NAA16: variants seen among roughly 807,000 people sequenced by gnomAD.
NAA16 encodes N-alpha-acetyltransferase 16, NatA auxiliary subunit, also known as NARG1-like protein.
In NAA16, 97 loss-of-function variants were observed where a neutral mutation model predicts 110.3. The ratio of observed to expected loss-of-function variants is 0.88; its 90% CI spans 0.75 to 1.04. The LOEUF (loss-of-function observed/expected upper bound fraction) is 1.04, where lower values mean the gene tolerates loss of function less well. Ranked by LOEUF, NAA16 falls within the 50% of genes least tolerant of loss-of-function variation. The pLI is 0.00. For missense variants in NAA16, 1,017 were observed against 1,005.1 expected (o/e 1.01, Z -0.16); for synonymous variants, 372 against 330.6 (o/e 1.13, Z -1.36).
chr13:41,356,988 T>A (rs1432215610), intron 10 of NAA16, among the ~76,000 whole-genome samples: 1 of 152,156 alleles, frequency 6.6e-6, no homozygotes, highest in Non-Finnish European at 1.5e-5. Context: ...TTGATAAAGA[T>A]TCAGATGTTG....
Position 41,358,375 on chromosome 13 carries a change from C to T in NAA16, c.1159C>T (p.Leu387Phe), listed in dbSNP as rs1216890364. The T allele has an allele frequency of 6.2e-7, 1 of 1,613,902 alleles. No individual in the cohort carries two copies. The highest frequency in any genetic ancestry group is 1.7e-5 in the Admixed American group (1 of 60,016). The part of the protein sequence containing the change: ...QYFLAQHFDK[L>F]GQYSLALDYI... ...TTTCCTGGCACAGCACTTTGATAAACTTGGACAGTATTCTTTGGCTTTGGA... is the reference window on the plus strand; with the variant it reads ...TTTCCTGGCACAGCACTTTGATAAATTTGGACAGTATTCTTTGGCTTTGGA... The change falls in exon 11 of 20, where the codon CTT becomes TTT. Residue 387 changes from leucine to phenylalanine, a missense_variant. By Grantham distance (22) the Leu-to-Phe change is conservative (BLOSUM62 0). Transcript: ENST00000379406.
In NAA16 at chr13:41,311,591, CCGTAGGCCG is replaced by C. The variant is rs2041562725; in HGVS notation, c.54+12_54+20del. On this transcript the variant is annotated intron_variant, in intron 1 of 19. Transcript: ENST00000379406. ...TCTTCAAACGCATCTTGGTGAGTGG[CCGTAGGCCG>C]CGCTGCCGCCCCCCGGTCCCCGGGT... The C allele has an allele frequency of 6.2e-7, 1 of 1,603,222 alleles. No homozygotes were observed. Among genetic ancestry groups the C allele is most frequent in the Non-Finnish European group, 8.5e-7 (1 of 1,175,474 alleles).
At position 41,355,178 on chromosome 13, in the gene NAA16, A is replaced by G. The variant is rs1396559892; in HGVS notation, c.1049A>G (p.Glu350Gly). 1 of 1,590,622 alleles carries G rather than the reference A, an allele frequency of 6.3e-7. No homozygotes were observed. Among genetic ancestry groups the G allele is most frequent in the Non-Finnish European group, 8.6e-7 (1 of 1,168,824 alleles). The change falls in exon 10 of 20, where the codon GAA becomes GGA. Residue 350 changes from glutamate (E) to glycine (G), a missense_variant. Physicochemically the swap from Glu to Gly is moderately conservative, Grantham distance 98. Transcript: ENST00000379406. ...SIIQELVTNY[E>G]ASLKTCDFFS... The stretch of plus-strand genomic sequence containing the variant: ...ATCCAGGAACTTGTTACTAATTATG[A>G]AGCCTCTCTTAAAACGTGTGACTTT...
chr13:41,354,886 ATTTTT>A (rs10671840), intron 9 of NAA16, among the ~76,000 whole-genome samples: 6 of 112,452 alleles, frequency 5.3e-5, no homozygotes, highest in East Asian at 2.7e-4. Context: ...GGAGTGGTCC[ATTTTT>A]TTTTTTTTTT....
intron 9 of NAA16, among the ~76,000 whole-genome samples, chr13:41,343,461 C>A (rs4941397): frequency 0.62 from 94,150 of 152,088 alleles, 32,257 homozygotes; most frequent in South Asian, 0.76. Flanking sequence ...TGTATCTATG[C>A]AGCTGTAGTC....
At chr13:41,328,891 TAATAA>T (rs1382819901) in intron 7 of NAA16, 48 bp downstream of exon 7, 1 of 1,450,766 alleles carries the variant, frequency 6.9e-7, no homozygotes, top group African/African-American at 1.4e-5. Flanking sequence ...GATTGAAGTA[TAATAA>T]AATGTAAAGT....
intron 9 of NAA16, among the ~76,000 whole-genome samples, chr13:41,340,635 G>A (rs1383086881): frequency 7.6e-5 from 9 of 118,112 alleles, no homozygotes; most frequent in East Asian, 2.7e-4. Flanking sequence ...ATAGTTGTGC[G>A]GTTTTGAGTG....
intron 15 of NAA16, among the ~76,000 whole-genome samples, chr13:41,371,246 A>G (rs891724555): frequency 6.6e-6 from 1 of 152,212 alleles, no homozygotes; most frequent in Non-Finnish European, 1.5e-5. Flanking sequence ...TGGACATTAG[A>G]CATTCTGGCA....
chr13:41,350,068 G>T (rs1472475049), intron 9 of NAA16, among the ~76,000 whole-genome samples: 2 of 151,692 alleles, frequency 1.3e-5, no homozygotes, highest in Non-Finnish European at 2.9e-5. Context: ...AGGATTGCTT[G>T]AGCTCAGCCT....
chr13:41,327,594 C>T (rs2042126839), intron 6 of NAA16, among the ~76,000 whole-genome samples: 1 of 151,924 alleles, frequency 6.6e-6, no homozygotes, highest in South Asian at 2.1e-4. Flanking sequence ...ACCGTGAATG[C>T]ATTCCTCTAG....
rs2042236629 is a variant in NAA16, at chr13:41,331,463, T to C, written c.907+94T>C. Reference sequence around the variant, plus strand: ...AAACGTGTTTCTGGTATAGAGTTTATGTTTACAGCAGTCTTGGAGTTGGGA... The same window carrying C: ...AAACGTGTTTCTGGTATAGAGTTTACGTTTACAGCAGTCTTGGAGTTGGGA... On this transcript the variant is annotated intron_variant, in intron 8 of 19. Coordinates refer to ENST00000379406, the MANE Select transcript of NAA16 (RefSeq NM_024561.5). 3.4e-6 allele frequency: 3 copies of C among 871,616 alleles called. No homozygotes were observed. In the Admixed American group the frequency reaches 6.9e-5, roughly 20 times the overall value. 54.0% of individuals were successfully genotyped at this position (871,616 alleles called of 1,614,324 possible).
intron 4 of NAA16, among the ~76,000 whole-genome samples, chr13:41,321,469 G>A (rs1470493414): frequency 1.3e-5 from 2 of 152,040 alleles, no homozygotes; most frequent in African/African-American, 2.4e-5. Context: ...GAGCCACTAC[G>A]CCTGGCCATA....
intron 14 of NAA16, 106 bp downstream of exon 14, chr13:41,367,758 G>T: frequency 1.4e-6 from 1 of 733,130 alleles, no homozygotes; most frequent in Non-Finnish European, 2.1e-6. Context: ...TGTTGGAGTT[G>T]AAGACAAACA....
chr13:41,339,626 C>T (rs770392957), intron 9 of NAA16, among the ~76,000 whole-genome samples: 2 of 152,056 alleles, frequency 1.3e-5, no homozygotes, highest in Admixed American at 6.6e-5. Flanking sequence ...GGTGCAATCT[C>T]GGCTCACTGC....
intron 7 of NAA16, 66 bp downstream of exon 7, chr13:41,328,909 T>C: frequency 7.4e-7 from 1 of 1,350,478 alleles, no homozygotes; most frequent in Non-Finnish European, 1.0e-6. Context: ...TGTAAAGTTG[T>C]AATAATACTT....
At chr13:41,313,723 G>T (rs2041722233) in intron 1 of NAA16, among the ~76,000 whole-genome samples, 1 of 152,160 alleles carries the variant, frequency 6.6e-6, no homozygotes, top group South Asian at 2.1e-4. Context: ...GGTATTCCAT[G>T]CCCTCTTTTA....
intron 1 of NAA16, among the ~76,000 whole-genome samples, chr13:41,315,194 A>G (rs920600851): frequency 6.6e-6 from 1 of 152,202 alleles, no homozygotes; most frequent in Non-Finnish European, 1.5e-5. Context: ...AGTAGGGGAC[A>G]TGTGAGACTT....
At chr13:41,344,775 T>C (rs1397106169) in intron 9 of NAA16, among the ~76,000 whole-genome samples, 1 of 152,254 alleles carries the variant, frequency 6.6e-6, no homozygotes, top group Non-Finnish European at 1.5e-5. Flanking sequence ...AATTTACCTA[T>C]TAAAAGTATA....
chr13:41,357,452 T>C (rs1053098395), intron 10 of NAA16, among the ~76,000 whole-genome samples: 2 of 152,248 alleles, frequency 1.3e-5, no homozygotes, highest in Non-Finnish European at 2.9e-5. Flanking sequence ...CCTTGAAATA[T>C]AGTTTATATA....
Sources: gnomAD v4.1 joint callset for allele counts (sites outside exome capture counted in the v4.1 genomes callset) on GRCh38, gnomAD v4.1.1 for gene constraint, MANE v1.5 for transcripts, NCBI Gene and HGNC (gene_info 2026-07-23, HGNC 2026-07-21) for gene names.